The following MN1 variants were observed in gnomAD, a reference collection of about 807,000 sequenced individuals.
The protein encoded by MN1 is MN1 proto-oncogene, transcriptional regulator.
MN1 carries 19 observed loss-of-function variants against 86.9 expected under a neutral mutation model. That is an observed-to-expected ratio of 0.22 (90% CI 0.15 to 0.32). MN1 has a LOEUF of 0.32. Ranked by LOEUF, MN1 falls within the 10% of genes least tolerant of loss-of-function variation. MN1 has a pLI of 1.00. For synonymous variants in MN1, 928 were observed against 849.6 expected (o/e 1.09, Z -1.60); for missense variants, 1,841 against 1,862.0 (o/e 0.99, Z 0.21).
chr22:27,748,888 G>A lies in MN1; in HGVS notation c.*2027C>T, dbSNP rs1232529596. On this transcript the variant is annotated 3_prime_UTR_variant, in exon 2 of 2. Transcript: ENST00000302326. ...ATCATTCCTGTTTCAAAAGTAAAATGATGAGGCTCTCAAACAGCTGTACAC... is the reference window on the plus strand; with the variant it reads ...ATCATTCCTGTTTCAAAAGTAAAATAATGAGGCTCTCAAACAGCTGTACAC... The A allele has an allele frequency of 4.4e-6, 1 of 228,114 alleles. No individual in the cohort carries two copies. The highest frequency in any genetic ancestry group is 6.3e-5 in the East Asian group (1 of 15,978). 14.1% of individuals were successfully genotyped at this position (228,114 alleles called of 1,614,324 possible).
chr22:27,774,403 G>A (rs1932950238), intron 1 of MN1, among the ~76,000 whole-genome samples: 1 of 152,174 alleles, frequency 6.6e-6, no homozygotes, highest in Non-Finnish European at 1.5e-5. Context: ...ACCAGAGGGA[G>A]CACAGAGAGG....
intron 1 of MN1, among the ~76,000 whole-genome samples, chr22:27,773,087 G>A (rs1051704499): frequency 2.0e-5 from 3 of 151,476 alleles, no homozygotes; most frequent in Admixed American, 6.6e-5. Context: ...AGCCCAGGCC[G>A]CCCCTCCCCA....
chr22:27,759,125 G>A (rs2146295410), intron 1 of MN1, among the ~76,000 whole-genome samples: 1 of 152,314 alleles, frequency 6.6e-6, no homozygotes, highest in South Asian at 2.1e-4. Context: ...ACCGTGCTCA[G>A]TCACAGGCTT....
chr22:27,749,096 GGTTTGCTCCTC>G lies in MN1; in HGVS notation c.*1808_*1818del. 1 of 232,146 alleles carries G rather than the reference GGTTTGCTCCTC, an allele frequency of 4.3e-6. No homozygotes were observed. Among genetic ancestry groups the G allele is most frequent in the Non-Finnish European group, 8.5e-6 (1 of 117,366 alleles). 14.4% of individuals were successfully genotyped at this position (232,146 alleles called of 1,614,324 possible). Reference sequence around the variant, plus strand: ...TGCTTTGTCTGCCCTCTGAAGGCGGGGTTTGCTCCTCGTCAAGACTGCCCAGGCGAGAACCG... The same window carrying G: ...TGCTTTGTCTGCCCTCTGAAGGCGGGGTCAAGACTGCCCAGGCGAGAACCG... On this transcript the variant is annotated 3_prime_UTR_variant, in exon 2 of 2. Coordinates refer to ENST00000302326, the MANE Select transcript of MN1 (RefSeq NM_002430.3).
rs1184945671 is a variant in MN1, at chr22:27,798,762, C to T, written c.1782G>A (p.Pro594=). 49 of 1,534,132 alleles carry T rather than the reference C, an allele frequency of 3.2e-5. No individual in the cohort carries two copies. The highest frequency in any genetic ancestry group is 4.0e-5 in the Non-Finnish European group (46 of 1,145,616). Residue 594 remains proline (P), a synonymous_variant, in exon 1 of 2, where the codon CCG becomes CCA. Coordinates refer to ENST00000302326, the MANE Select transcript of MN1 (RefSeq NM_002430.3). ...AGTTCGGCTGGGCCAAGCCGCCCAC[C>T]GGGCCGCCATGCACCAGGCCGCCCT... ...VGQGGLVHGG[P]VGGLAQPNFE...
rs1275049659 is a variant in MN1, at chr22:27,801,479, C to T, written c.-936G>A. The T allele has an allele frequency of 1.0e-5, 2 of 197,960 alleles. No individual in the cohort carries two copies. Among genetic ancestry groups the T allele is most frequent in the Non-Finnish European group, 2.1e-5 (2 of 95,394 alleles). The allele number at this position is 197,960 out of a possible 1,614,324, so 12.3% of individuals were successfully genotyped here. ...CGAGGGGTTGGGTCGCTCCAAGGCT[C>T]CGGTTCCCTGCCTCCGCGCTGAGGT... is the stretch of plus-strand genomic sequence containing the variant. On this transcript the variant is annotated 5_prime_UTR_variant, in exon 1 of 2. Transcript: ENST00000302326.
chr22:27,760,474 A>C (rs1485357309), intron 1 of MN1, among the ~76,000 whole-genome samples: 1 of 152,116 alleles, frequency 6.6e-6, no homozygotes, highest in Non-Finnish European at 1.5e-5. Flanking sequence ...ATGCCACTGC[A>C]CTCCAGCCAG....
chr22:27,756,044 G>A (rs575480452), intron 1 of MN1, among the ~76,000 whole-genome samples: 4 of 152,334 alleles, frequency 2.6e-5, no homozygotes, highest in East Asian at 3.9e-4. Flanking sequence ...CACGTGGGGC[G>A]CTCCTGCCAA....
intron 1 of MN1, among the ~76,000 whole-genome samples, chr22:27,795,018 G>T (rs972752513): frequency 1.4e-5 from 2 of 146,912 alleles, no homozygotes; most frequent in African/African-American, 5.0e-5. Flanking sequence ...AAAATAAAGG[G>T]GTGGGGGGAG....
chr22:27,778,163 T>C (rs1294215929), intron 1 of MN1, among the ~76,000 whole-genome samples: 2 of 152,168 alleles, frequency 1.3e-5, no homozygotes, highest in Non-Finnish European at 2.9e-5. Context: ...GGGACTGATT[T>C]TTCCAGCCCT....
chr22:27,795,364 C>A (rs2146314266), intron 1 of MN1, among the ~76,000 whole-genome samples: 1 of 152,234 alleles, frequency 6.6e-6, no homozygotes, highest in South Asian at 2.1e-4. Context: ...ACTCTCGCTT[C>A]CTCTCCTCTT....
Position 27,750,689 on chromosome 22 carries a change from A to G in MN1, c.*226T>C, listed in dbSNP as rs1932755542. 3 of 404,746 alleles carry G rather than the reference A, an allele frequency of 7.4e-6. No homozygotes were observed. The South Asian group carries it at 2.2e-4, about 30-fold the overall frequency. The allele number at this position is 404,746 out of a possible 1,614,324, so 25.1% of individuals were successfully genotyped here. ...TAACACTGGTAACATACTGTGGCAG[A>G]CAAGTTTCTTTTTTAAAAAAACTTT... On this transcript the variant is annotated 3_prime_UTR_variant, in exon 2 of 2. Transcript: ENST00000302326.
Position 27,796,940 on chromosome 22 carries a change from A to G in MN1, c.3604T>C (p.Cys1202Arg). ...AQNGDSELGS[C>R]CSEAVKSAMS... ...GCGCTCTTGACCGCCTCGGAGCAGC[A>G]GCTGCCCAGCTCGCTGTCGCCATTC... The change falls in exon 1 of 2, where the codon TGC (cysteine) becomes CGC (arginine). Residue 1202 changes from cysteine (C) to arginine (R), a missense_variant. Physicochemically the swap from Cys to Arg is radical, Grantham distance 180. Transcript: ENST00000302326. 1 of 1,612,638 alleles carries G rather than the reference A, an allele frequency of 6.2e-7. No individual in the cohort carries two copies. The highest frequency in any genetic ancestry group is 8.5e-7 in the Non-Finnish European group (1 of 1,179,870).
chr22:27,780,359 T>TTAGGACCTGCCC (rs1933036282), intron 1 of MN1, among the ~76,000 whole-genome samples: 1 of 152,150 alleles, frequency 6.6e-6, no homozygotes, highest in African/African-American at 2.4e-5. Context: ...CCGTCCTGCC[T>TTAGGACCTGCCC]TAGGACCTGC....
In MN1 at chr22:27,748,370, CA is replaced by C. The variant is rs1298421122; in HGVS notation, c.*2544del. The C allele has an allele frequency of 1.1e-5, 2 of 180,406 alleles. No homozygotes were observed. The highest frequency in any genetic ancestry group is 6.3e-5 in the Admixed American group (1 of 15,864). The allele number at this position is 180,406 out of a possible 1,614,324, so 11.2% of individuals were successfully genotyped here. ...CAGGAATACAGAAGACTGCACTTTACATATTTTTTTAAAAAAGAAAGAAAAA... is the reference window on the plus strand; with the variant it reads ...CAGGAATACAGAAGACTGCACTTTACTATTTTTTTAAAAAAGAAAGAAAAA... On this transcript the variant is annotated 3_prime_UTR_variant, in exon 2 of 2. Coordinates refer to ENST00000302326, the MANE Select transcript of MN1 (RefSeq NM_002430.3).
At chr22:27,786,310 G>C (rs6005621) in intron 1 of MN1, among the ~76,000 whole-genome samples, 24 of 152,300 alleles carry the variant, frequency 1.6e-4, no homozygotes, top group Middle Eastern at 3.4e-3. Flanking sequence ...CAGACTCAGT[G>C]TTAGGAAAGG....
At position 27,798,491 on chromosome 22, in the gene MN1, T is replaced by C. The variant is rs532714157; in HGVS notation, c.2053A>G (p.Arg685Gly). 7.1e-6 allele frequency: 11 copies of C among 1,554,468 alleles called. No individual in the cohort carries two copies. In the Admixed American group the frequency reaches 1.7e-4, roughly 24 times the overall value. The change falls in exon 1 of 2, where the codon AGG becomes GGG. Residue 685 changes from arginine to glycine, a missense_variant. By Grantham distance (125) the Arg-to-Gly change is moderately radical (BLOSUM62 -2). Transcript: ENST00000302326. ...LFRGPLQEPM[R>G]MPGEGHVPAL... ...GGCACGTGGCCCTCTCCGGGCATCCTCATCGGCTCCTGCAGAGGGCCCCGG... is the reference window on the plus strand; with the variant it reads ...GGCACGTGGCCCTCTCCGGGCATCCCCATCGGCTCCTGCAGAGGGCCCCGG...
chr22:27,771,085 T>G (rs1056536686), intron 1 of MN1, among the ~76,000 whole-genome samples: 6 of 152,168 alleles, frequency 3.9e-5, no homozygotes, highest in Admixed American at 2.6e-4. Context: ...ACACTTCATC[T>G]GTCAACTTGG....
rs371928269 is a variant in MN1 at position 27,790,688 on chromosome 22, G to A, written c.3781+6075C>T. 4.8e-4 allele frequency among the ~76,000 whole-genome samples: 73 copies of A among 150,966 alleles called. 1 individual carries two copies. The South Asian group carries it at 0.013, about 26-fold the overall frequency. ...CTTCCCACAACTGGTGGGGGTAGGT[G>A]GGGGGGGAGTAAAGAAGGGGAGGGG... is the stretch of plus-strand genomic sequence containing the variant. On this transcript the variant is annotated intron_variant, in intron 1 of 1. Coordinates refer to ENST00000302326, the MANE Select transcript of MN1 (RefSeq NM_002430.3).
Sources: gnomAD v4.1 joint callset for allele counts (sites outside exome capture counted in the v4.1 genomes callset) on GRCh38, gnomAD v4.1.1 for gene constraint, MANE v1.5 for transcripts, NCBI Gene and HGNC (gene_info 2026-07-23, HGNC 2026-07-21) for gene names.